GSAP: variants seen among roughly 807,000 people sequenced by gnomAD.
GSAP encodes the protein gamma-secretase-activating protein.
Under a neutral mutation model 131.7 loss-of-function variants are expected in GSAP, and 118 were observed. The observed-to-expected ratio is 0.90, with a 90% CI of 0.77 to 1.04. GSAP has a LOEUF of 1.04. GSAP is among the 50% of genes least tolerant of loss of function. The pLI is 0.00. For synonymous variants in GSAP, 381 were observed against 363.4 expected, an observed-to-expected ratio of 1.05 and a Z score of -0.55; for missense variants, 1,019 against 1,013.2, an observed-to-expected ratio of 1.01 and a Z score of -0.08.
chr7:77,355,002 G>T (rs549184294), intron 16 of GSAP, among the ~76,000 whole-genome samples: 1 of 152,072 alleles, frequency 6.6e-6, no homozygotes, highest in Non-Finnish European at 1.5e-5. Context: ...TATGGAAAAG[G>T]GGGTACCCAA....
chr7:77,352,891 C>T (rs1793092835), intron 18 of GSAP, 53 bp downstream of exon 18: 1 of 1,043,550 alleles, frequency 9.6e-7, no homozygotes, highest in Admixed American at 1.8e-5. Context: ...AACAACTGAC[C>T]CACAACTGTG....
rs1212758300 is a variant in GSAP, at chr7:77,355,273, C to T, written c.1278G>A (p.Lys426=). ...LLQNTCLDCE[K]MAALHCALYC... Reference sequence around the variant, plus strand: ...AGAGCGCGCAGTGCAACGCAGCCATCTTCTCACAGTCTAAGCAAGTGTTCT... The same window carrying T: ...AGAGCGCGCAGTGCAACGCAGCCATTTTCTCACAGTCTAAGCAAGTGTTCT... The change falls in exon 16 of 31, where the codon AAG becomes AAA. Residue 426 remains lysine (K), a synonymous_variant. Coordinates refer to ENST00000257626, the MANE Select transcript of GSAP (RefSeq NM_017439.4). 3 of 1,613,994 alleles carry T rather than the reference C, an allele frequency of 1.9e-6. No homozygotes were observed. Among genetic ancestry groups the T allele is most frequent in the Non-Finnish European group, 2.5e-6 (3 of 1,179,984 alleles).
chr7:77,397,323 G>T, intron 4 of GSAP, 23 bp downstream of exon 4: 3 of 1,448,582 alleles, frequency 2.1e-6, no homozygotes, highest in East Asian at 2.3e-5. Flanking sequence ...TTCTTGACAT[G>T]TAGCAATAAG....
chr7:77,318,829 C>T (rs1467982948), intron 26 of GSAP, among the ~76,000 whole-genome samples: 1 of 145,890 alleles, frequency 6.9e-6, no homozygotes, highest in Non-Finnish European at 1.5e-5. Flanking sequence ...ATCCAAAGCA[C>T]AAACAATGAA....
intron 19 of GSAP, among the ~76,000 whole-genome samples, chr7:77,342,182 C>CTG (rs1791049388): frequency 6.6e-5 from 10 of 151,962 alleles, no homozygotes; most frequent in African/African-American, 2.4e-4. Flanking sequence ...GACGCTGCAC[C>CTG]ATCACCTCAG....
intron 19 of GSAP, among the ~76,000 whole-genome samples, chr7:77,335,403 G>A (rs138089870): frequency 2.6e-5 from 4 of 152,182 alleles, no homozygotes; most frequent in African/African-American, 4.8e-5. Context: ...TTCATAAAAA[G>A]CACGGCAAAG....
At position 77,323,719 on chromosome 7, in the gene GSAP, A is replaced by G. The variant is rs1229083888; in HGVS notation, c.1851T>C (p.His617=). 1 of 1,597,152 alleles carries G rather than the reference A, an allele frequency of 6.3e-7. No homozygotes were observed. Among genetic ancestry groups the G allele is most frequent in the Non-Finnish European group, 8.6e-7 (1 of 1,166,268 alleles). The change falls in exon 24 of 31, where the codon CAT becomes CAC. Residue 617 remains histidine (H), a synonymous_variant. Coordinates refer to ENST00000257626, the MANE Select transcript of GSAP (RefSeq NM_017439.4). ...MGLMVSELKD[H]FLRHLQGVEK... is the part of the protein sequence containing the mutation. ...CTACACCCTGTAGGTGTCTCAAAAA[A>G]TGGTCTTTTAGCTCAGACACCATCT...
At chr7:77,416,526 C>G (rs1584013858), upstream of GSAP, 3 of 399,248 alleles carry the variant, frequency 7.5e-6, 1 homozygote, top group South Asian at 1.9e-4. Context: ...GAGCCGGAGC[C>G]GGAGCCGGGC....
intron 23 of GSAP, among the ~76,000 whole-genome samples, chr7:77,325,579 G>A (rs940820070): frequency 6.6e-6 from 1 of 152,154 alleles, no homozygotes; most frequent in Non-Finnish European, 1.5e-5. Flanking sequence ...GTTGTTTTGT[G>A]TTGTTTTCTG....
Position 77,376,855 on chromosome 7 carries a change from T to G in GSAP, c.734A>C (p.Asn245Thr). The G allele has an allele frequency of 6.9e-7, 1 of 1,448,698 alleles. No individual in the cohort carries two copies. 89.7% of individuals were successfully genotyped at this position (1,448,698 alleles called of 1,614,324 possible). A position where few individuals can be genotyped will look rare whatever the true frequency, so the allele number is the denominator to read the frequency against. Residue 245 changes from asparagine (N) to threonine (T), a missense_variant, in exon 10 of 31, where the codon AAC becomes ACC. Coordinates refer to ENST00000257626, the MANE Select transcript of GSAP (RefSeq NM_017439.4). ...CIQFYADESY[N>T]LMFEVPLDIS... ...ATCATTTTCTGGACTTACCATTAAG[T>G]TATAGCTCTCATCAGCATAAAACTG...
rs781043806 is a variant in GSAP, at chr7:77,374,151, C to T, written c.790G>A (p.Val264Ile). 2 of 1,535,778 alleles carry T rather than the reference C, an allele frequency of 1.3e-6. No individual in the cohort carries two copies. The highest frequency in any genetic ancestry group is 2.7e-5 in the African/African-American group (2 of 73,252). The change falls in exon 12 of 31, where the codon GTC becomes ATC. Residue 264 changes from valine to isoleucine, a missense_variant. Val to Ile is a conservative substitution (Grantham distance 29, BLOSUM62 3). Coordinates refer to ENST00000257626, the MANE Select transcript of GSAP (RefSeq NM_017439.4). ...ISLSNSGFKL[V>I]NFGCDYHQYR... Reference sequence around the variant, plus strand: ...TGATGATAATCACATCCAAAGTTGACAAGTCTAAGAACATAAAGAATGAGA... The same window carrying T: ...TGATGATAATCACATCCAAAGTTGATAAGTCTAAGAACATAAAGAATGAGA...
Position 77,313,483 on chromosome 7 carries a change from A to G in GSAP, c.2271+5T>C, listed in dbSNP as rs930609800. The G allele has an allele frequency of 2.0e-6, 3 of 1,484,222 alleles. No individual in the cohort carries two copies. The highest frequency in any genetic ancestry group is 2.3e-5 in the South Asian group (2 of 87,598). The allele number at this position is 1,484,222 out of a possible 1,614,324, so 91.9% of individuals were successfully genotyped here. ...GGGAGAAAATAAAATGTAACTCAGT[A>G]TTACCGGAGGAAGCCGCACAATGAT... On this transcript the variant is annotated splice_donor_5th_base_variant and intron_variant, in intron 28 of 30. Transcript: ENST00000257626.
At chr7:77,315,402 C>G (rs770182026) in intron 26 of GSAP, 9 of 152,144 alleles carry the variant, frequency 5.9e-5, no homozygotes, top group African/African-American at 9.7e-5. Flanking sequence ...GAACTAGAGC[C>G]AGGTCTGTGA....
Position 77,355,359 on chromosome 7 carries a change from A to C in GSAP, c.1192T>G (p.Cys398Gly). 1.9e-6 allele frequency: 3 copies of C among 1,613,554 alleles called. No individual in the cohort carries two copies. The highest frequency in any genetic ancestry group is 2.5e-6 in the Non-Finnish European group (3 of 1,179,544). ...QSLSGSLVLD[C>G]CSGKLYRALL... ...GCTCTATAGAGCTTTCCAGAACAAC[A>C]ATCCAATACCAGGGACCCTGACAAT... is the stretch of plus-strand genomic sequence containing the variant. The change falls in exon 16 of 31, where the codon TGT becomes GGT. Residue 398 changes from cysteine to glycine, a missense_variant. Transcript: ENST00000257626.
At chr7:77,373,905 T>C (rs1015979260) in intron 12 of GSAP, among the ~76,000 whole-genome samples, 165 bp downstream of exon 12, 1 of 152,212 alleles carries the variant, frequency 6.6e-6, no homozygotes, top group African/African-American at 2.4e-5. Flanking sequence ...ACAGACAGTG[T>C]ATATTTAAAA....
chr7:77,361,915 T>C (rs1409893592), intron 13 of GSAP, among the ~76,000 whole-genome samples: 1 of 152,192 alleles, frequency 6.6e-6, no homozygotes, highest in Non-Finnish European at 1.5e-5. Context: ...TCTGAGATCA[T>C]GGATGCTTTT....
intron 23 of GSAP, among the ~76,000 whole-genome samples, chr7:77,324,973 G>A (rs1268095347): frequency 6.6e-6 from 1 of 151,522 alleles, no homozygotes; most frequent in Admixed American, 6.6e-5. Context: ...GTGCTACCAC[G>A]CCCAGCCAAT....
intron 3 of GSAP, among the ~76,000 whole-genome samples, chr7:77,398,165 G>A (rs537199625): frequency 6.6e-6 from 1 of 152,162 alleles, no homozygotes; most frequent in Non-Finnish European, 1.5e-5. Context: ...GAAAGAGACA[G>A]TCTTCGACCT....
intron 11 of GSAP, among the ~76,000 whole-genome samples, chr7:77,374,646 G>T (rs1046665356): frequency 3.8e-5 from 5 of 130,132 alleles, no homozygotes; most frequent in African/African-American, 1.4e-4. Context: ...AAGGAAAACA[G>T]AAAAAAAAAA....
Sources: gnomAD v4.1 joint callset for allele counts (sites outside exome capture counted in the v4.1 genomes callset) on GRCh38, gnomAD v4.1.1 for gene constraint, MANE v1.5 for transcripts, NCBI Gene and HGNC (gene_info 2026-07-23, HGNC 2026-07-21) for gene names.